The following HDAC9 variants were observed in gnomAD, a reference collection of about 807,000 sequenced individuals.
HDAC9 encodes histone deacetylase 9, also known as MEF-2 interacting transcription repressor (MITR) protein.
HDAC9 carries 41 observed loss-of-function variants against 139.4 expected under a neutral mutation model. The ratio of observed to expected loss-of-function variants is 0.29; its 90% CI spans 0.23 to 0.38. HDAC9 has a LOEUF of 0.38. HDAC9 is among the 10% of genes least tolerant of loss of function. HDAC9 has a pLI of 1.00. For missense variants in HDAC9, 1,147 were observed against 1,297.0 expected, an observed-to-expected ratio of 0.88 and a Z score of 1.78; for synonymous variants, 517 against 476.2, an observed-to-expected ratio of 1.09 and a Z score of -1.12.
chr7:18,909,759 T>C (rs75414269), intron 22 of HDAC9, among the ~76,000 whole-genome samples: 8,153 of 152,136 alleles, frequency 0.054, 274 homozygotes, highest in South Asian at 0.13. Context: ...CAGAAATCAG[T>C]TGACTCTATA....
At chr7:18,372,351 G>C (rs1784656468) in intron 1 of HDAC9, among the ~76,000 whole-genome samples, 1 of 152,196 alleles carries the variant, frequency 6.6e-6, no homozygotes, top group African/African-American at 2.4e-5. Context: ...AAGCCCTGCT[G>C]ATCTACCAAG....
chr7:18,884,682 T>C (rs1320737972), intron 22 of HDAC9, among the ~76,000 whole-genome samples: 1 of 152,242 alleles, frequency 6.6e-6, no homozygotes, highest in African/African-American at 2.4e-5. Context: ...TCCCTCTGCA[T>C]GTGTGTTAAA....
chr7:18,410,464 A>C (rs1191375329), intron 1 of HDAC9, among the ~76,000 whole-genome samples: 2 of 152,328 alleles, frequency 1.3e-5, no homozygotes, highest in Non-Finnish European at 2.9e-5. Flanking sequence ...TGTTTCAACA[A>C]AGAATGTTTT....
chr7:18,396,968 G>A (rs1787120795), intron 1 of HDAC9, among the ~76,000 whole-genome samples: 1 of 151,654 alleles, frequency 6.6e-6, no homozygotes, highest in Non-Finnish European at 1.5e-5. Flanking sequence ...AATACCGATT[G>A]CTCCCCACCC....
In HDAC9 at chr7:18,849,734, G is replaced by T. The variant is rs185409465; in HGVS notation, c.2684+13737G>T. 1.5e-4 allele frequency among the ~76,000 whole-genome samples: 23 copies of T among 152,204 alleles called. No individual in the cohort carries two copies. The East Asian group carries it at 4.5e-3, about 29-fold the overall frequency. ...ATACTTGTTTATGTCAAAAAGGGGA[G>T]AATTTCCATTAAGTTCATACTCTCC... On this transcript the variant is annotated intron_variant, in intron 21 of 25. Transcript: ENST00000686413.
chr7:18,605,093 G>C (rs545506128), intron 6 of HDAC9, among the ~76,000 whole-genome samples: 29 of 152,286 alleles, frequency 1.9e-4, no homozygotes, highest in African/African-American at 6.5e-4. Context: ...GTAAATGTCA[G>C]AGTCTTCAGT....
At chr7:18,376,740 A>G (rs779432754) in intron 1 of HDAC9, among the ~76,000 whole-genome samples, 2 of 152,082 alleles carry the variant, frequency 1.3e-5, no homozygotes, top group African/African-American at 2.4e-5. Flanking sequence ...TCTCTAGCCT[A>G]GAACTTCTAC....
At chr7:18,112,528 T>C (rs1332941520) in intron 1 of HDAC9, among the ~76,000 whole-genome samples, 1 of 152,232 alleles carries the variant, frequency 6.6e-6, no homozygotes, top group African/African-American at 2.4e-5. Flanking sequence ...ATTGTTTCAC[T>C]TTCTTCTTAC....
chr7:18,232,038 G>C, intron 2 of HDAC9, among the ~76,000 whole-genome samples: 1 of 152,246 alleles, frequency 6.6e-6, no homozygotes, highest in Admixed American at 6.5e-5. Context: ...GTGCATTTGT[G>C]ATTTTTGTTG....
rs1786556220 is a variant in HDAC9, at chr7:18,997,918, CTT to C, written c.*1857_*1858del. 1.3e-5 allele frequency: 2 copies of C among 152,060 alleles called. No individual in the cohort carries two copies. The highest frequency in any genetic ancestry group is 2.9e-5 in the Non-Finnish European group (2 of 67,988). 9.4% of individuals were successfully genotyped at this position (152,060 alleles called of 1,614,324 possible). On this transcript the variant is annotated 3_prime_UTR_variant, in exon 26 of 26. Transcript: ENST00000686413. ...ATAGGAAATCTGAAATGGAATGTAA[CTT>C]AGTATTAGGTAAAAATTGCTTTCAT...
rs899020929 is a variant in HDAC9 at position 18,998,376 on chromosome 7, G to A, written c.*2314G>A. Reference sequence around the variant, plus strand: ...ACTAGGACATCTCCATGGTTATTTAGATTTAAAACTTGACACATTAATGAG... The same window carrying A: ...ACTAGGACATCTCCATGGTTATTTAAATTTAAAACTTGACACATTAATGAG... On this transcript the variant is annotated 3_prime_UTR_variant, in exon 26 of 26. Coordinates refer to ENST00000686413, the MANE Select transcript of HDAC9 (RefSeq NM_178425.4). The A allele has an allele frequency of 6.6e-6, 1 of 152,164 alleles. No homozygotes were observed. Among genetic ancestry groups the A allele is most frequent in the African/African-American group, 2.4e-5 (1 of 41,440 alleles). 9.4% of individuals were successfully genotyped at this position (152,164 alleles called of 1,614,324 possible).
intron 1 of HDAC9, among the ~76,000 whole-genome samples, chr7:18,303,423 GTTTTT>G (rs1798700229): frequency 9.0e-6 from 1 of 110,874 alleles, no homozygotes; most frequent in African/African-American, 6.8e-5. Context: ...GTGTGTGTGT[GTTTTT>G]AGTAGAGATG....
chr7:18,511,010 TA>T (rs1335735564), intron 2 of HDAC9, among the ~76,000 whole-genome samples: 1 of 152,200 alleles, frequency 6.6e-6, no homozygotes, highest in Non-Finnish European at 1.5e-5. Context: ...AGTTAGATAA[TA>T]AAACCGAATT....
chr7:18,287,924 T>C (rs1285530450), upstream of HDAC9, among the ~76,000 whole-genome samples: 1 of 152,132 alleles, frequency 6.6e-6, no homozygotes, highest in Non-Finnish European at 1.5e-5. Flanking sequence ...TCCCTTTGGG[T>C]AGTCATATAG....
chr7:18,404,228 A>G (rs1466232919), intron 1 of HDAC9, among the ~76,000 whole-genome samples: 1 of 152,220 alleles, frequency 6.6e-6, no homozygotes, highest in African/African-American at 2.4e-5. Context: ...TAGTTAGTCC[A>G]CCAAAAGGTA....
chr7:18,143,326 G>T (rs768481111), intron 1 of HDAC9, among the ~76,000 whole-genome samples: 1 of 152,118 alleles, frequency 6.6e-6, no homozygotes, highest in Admixed American at 6.6e-5. Context: ...ACTACATTAA[G>T]ACATTTTTAA....
At chr7:18,211,515 A>G (rs1313378537) in intron 2 of HDAC9, among the ~76,000 whole-genome samples, 1 of 152,182 alleles carries the variant, frequency 6.6e-6, no homozygotes, top group Non-Finnish European at 1.5e-5. Context: ...TGATTATTGT[A>G]CAGTATTCTA....
intron 2 of HDAC9, among the ~76,000 whole-genome samples, chr7:18,284,471 C>A (rs113849796): frequency 6.6e-6 from 1 of 152,094 alleles, no homozygotes; most frequent in African/African-American, 2.4e-5. Context: ...ATTTCATCTT[C>A]CACCAAAGTA....
chr7:18,387,585 G>A (rs553889842), intron 1 of HDAC9, among the ~76,000 whole-genome samples: 26 of 152,340 alleles, frequency 1.7e-4, no homozygotes, highest in Middle Eastern at 3.4e-3. Context: ...AGGCTGAACA[G>A]AGAGAAATTC....
Sources: allele counts gnomAD v4.1 joint callset (sites outside exome capture counted in the v4.1 genomes callset), GRCh38; gene constraint gnomAD v4.1.1; transcripts MANE v1.5; gene names NCBI Gene and HGNC (gene_info 2026-07-23, HGNC 2026-07-21).